ASCC3: variants seen among roughly 807,000 people sequenced by gnomAD.
ASCC3 encodes ASC-1 complex subunit P200.
In ASCC3, 158 loss-of-function variants were observed where a neutral mutation model predicts 256.3. The observed-to-expected ratio is 0.62, with a 90% CI of 0.54 to 0.70. ASCC3 has a LOEUF of 0.70. Ranked by LOEUF, ASCC3 falls within the 30% of genes least tolerant of loss-of-function variation. ASCC3 has a pLI of 0.00. For synonymous variants in ASCC3, 948 were observed against 883.4 expected (o/e 1.07, Z -1.30); for missense variants, 2,259 against 2,626.0 (o/e 0.86, Z 3.05).
At chr6:100,538,611 T>A (rs1452598032) in intron 37 of ASCC3, among the ~76,000 whole-genome samples, 1 of 152,172 alleles carries the variant, frequency 6.6e-6, no homozygotes, top group East Asian at 1.9e-4. Flanking sequence ...AATCTTTTGG[T>A]GGACACCATT....
chr6:100,871,806 G>C (rs1169855949), intron 1 of ASCC3, among the ~76,000 whole-genome samples: 2 of 151,990 alleles, frequency 1.3e-5, no homozygotes, highest in African/African-American at 4.8e-5. Flanking sequence ...TCTCAATGGG[G>C]GTCTGTAAGA....
At chr6:100,599,628 ATT>A in intron 34 of ASCC3, among the ~76,000 whole-genome samples, 1 of 144,314 alleles carries the variant, frequency 6.9e-6, no homozygotes, top group African/African-American at 2.5e-5. Context: ...GCTTTGTACT[ATT>A]TTTTTTTTTT....
In ASCC3 at chr6:100,859,189, T is replaced by C. The variant is rs776767911; in HGVS notation, c.241+4875A>G. 3.8e-6 allele frequency: 3 copies of C among 780,058 alleles called. No homozygotes were observed. The South Asian group carries it at 4.0e-5, about 10-fold the overall frequency. The allele number at this position is 780,058 out of a possible 1,614,324, so 48.3% of individuals were successfully genotyped here. ...TTCCATCCAGCCTCCTCTTCTGGAA[T>C]GGACAATTCACTTCTAGGAAAAAGT... On this transcript the variant is annotated intron_variant, in intron 3 of 41. Coordinates refer to ENST00000369162, the MANE Select transcript of ASCC3 (RefSeq NM_006828.4).
chr6:100,567,152 T>A (rs1221454088), intron 36 of ASCC3, among the ~76,000 whole-genome samples: 1 of 152,040 alleles, frequency 6.6e-6, no homozygotes, highest in South Asian at 2.1e-4. Flanking sequence ...AATAAACACA[T>A]AATCAAGAAA....
At chr6:100,632,182 T>TAAAAA (rs35229827) in intron 25 of ASCC3, among the ~76,000 whole-genome samples, 13 of 101,996 alleles carry the variant, frequency 1.3e-4, no homozygotes, top group Non-Finnish European at 1.2e-4. Flanking sequence ...GCAAACTATC[T>TAAAAA]AAAAAAAAAA....
chr6:100,828,322 A>AT (rs1320129473), intron 4 of ASCC3, among the ~76,000 whole-genome samples: 3 of 152,176 alleles, frequency 2.0e-5, no homozygotes, highest in South Asian at 4.1e-4. Flanking sequence ...AGAAATGGGG[A>AT]TAAAAAAAGT....
chr6:100,536,171 A>G (rs1775152638), intron 37 of ASCC3, among the ~76,000 whole-genome samples: 1 of 152,194 alleles, frequency 6.6e-6, no homozygotes, highest in East Asian at 1.9e-4. Flanking sequence ...CTAAAACTAC[A>G]ACACTGAATA....
At chr6:100,836,681 A>G (rs1307010916) in intron 4 of ASCC3, among the ~76,000 whole-genome samples, 1 of 152,054 alleles carries the variant, frequency 6.6e-6, no homozygotes, top group Non-Finnish European at 1.5e-5. Flanking sequence ...TATGTTTATC[A>G]GCAATACTGG....
Position 100,819,182 on chromosome 6 carries a change from G to A in ASCC3, c.802-13302C>T, listed in dbSNP as rs559512323. ...GCCTGTCGGGGGCTGGGGGGCTGGG[G>A]GAGGGACAGCATTAGGAGAAGTACC... On this transcript the variant is annotated intron_variant, in intron 4 of 41. Coordinates refer to ENST00000369162, the MANE Select transcript of ASCC3 (RefSeq NM_006828.4). Among the ~76,000 whole-genome samples the A allele has an allele frequency of 2.8e-4, 42 of 152,076 alleles. 1 individual carries two copies. Among genetic ancestry groups the A allele is most frequent in the African/African-American group, 8.7e-4 (36 of 41,458 alleles).
intron 10 of ASCC3, among the ~76,000 whole-genome samples, chr6:100,735,258 T>C (rs1582781274): frequency 6.6e-6 from 1 of 152,300 alleles, no homozygotes; most frequent in African/African-American, 2.4e-5. Context: ...TTTCTCACCA[T>C]ATTACCCCGA....
intron 8 of ASCC3, among the ~76,000 whole-genome samples, chr6:100,771,488 G>A (rs1208706251): frequency 6.6e-6 from 1 of 151,826 alleles, no homozygotes; most frequent in African/African-American, 2.4e-5. Flanking sequence ...ACCATAGAAT[G>A]GGAGAAAAAT....
intron 4 of ASCC3, among the ~76,000 whole-genome samples, chr6:100,833,885 A>G (rs79637021): frequency 2.0e-5 from 3 of 152,146 alleles, no homozygotes; most frequent in East Asian, 3.9e-4. Flanking sequence ...TGAGACCAGC[A>G]TGGCCAACAT....
chr6:100,802,836 T>TA (rs907506189), intron 5 of ASCC3, among the ~76,000 whole-genome samples: 6 of 149,988 alleles, frequency 4.0e-5, no homozygotes, highest in Non-Finnish European at 5.9e-5. Flanking sequence ...CTCATCTTTA[T>TA]AAAAAAAAAA....
chr6:100,565,326 A>C (rs1770179017), intron 36 of ASCC3, among the ~76,000 whole-genome samples: 1 of 152,170 alleles, frequency 6.6e-6, no homozygotes, highest in Non-Finnish European at 1.5e-5. Context: ...ATAGCTTTCA[A>C]GCCCAAGTTC....
At chr6:100,581,530 G>C (rs1286546628) in intron 36 of ASCC3, among the ~76,000 whole-genome samples, 2 of 151,540 alleles carry the variant, frequency 1.3e-5, no homozygotes, top group Non-Finnish European at 2.9e-5. Context: ...CCATTTTGTA[G>C]GTTGCCTGTT....
At chr6:100,791,207 G>T (rs529047872) in intron 8 of ASCC3, among the ~76,000 whole-genome samples, 8 of 151,864 alleles carry the variant, frequency 5.3e-5, no homozygotes, top group African/African-American at 1.9e-4. Flanking sequence ...TTAAAAGCAT[G>T]TACCACACTG....
chr6:100,602,349 G>T (rs1207063063), intron 33 of ASCC3, among the ~76,000 whole-genome samples: 1 of 151,984 alleles, frequency 6.6e-6, no homozygotes, highest in Non-Finnish European at 1.5e-5. Context: ...GTAATAATTT[G>T]TTGAAAGCAA....
chr6:100,640,079 C>G (rs1300158560), intron 24 of ASCC3, among the ~76,000 whole-genome samples: 1 of 152,104 alleles, frequency 6.6e-6, no homozygotes, highest in African/African-American at 2.4e-5. Context: ...CATCCCACTT[C>G]ACTTCAGCCT....
chr6:100,593,912 T>A (rs1772136029), intron 34 of ASCC3, among the ~76,000 whole-genome samples: 1 of 152,174 alleles, frequency 6.6e-6, no homozygotes, highest in African/African-American at 2.4e-5. Context: ...TACATGTGTT[T>A]ATATTCATTT....
Sources: gnomAD v4.1 joint callset for allele counts (sites outside exome capture counted in the v4.1 genomes callset) on GRCh38, gnomAD v4.1.1 for gene constraint, MANE v1.5 for transcripts, NCBI Gene and HGNC (gene_info 2026-07-23, HGNC 2026-07-21) for gene names.